Variants in FOXP1 observed in about 807,000 individuals in gnomAD.
The protein encoded by FOXP1 is forkhead box P1, also known as forkhead box protein P1.
Under a neutral mutation model 98.2 loss-of-function variants are expected in FOXP1, and 15 were observed. The ratio of observed to expected loss-of-function variants is 0.15; its 90% CI spans 0.10 to 0.24. FOXP1 has a LOEUF of 0.24. FOXP1 is among the 10% of genes least tolerant of loss of function. FOXP1 has a pLI of 1.00. For synonymous variants in FOXP1, 371 were observed against 314.5 expected, an observed-to-expected ratio of 1.18 and a Z score of -1.90; for missense variants, 633 against 848.5, an observed-to-expected ratio of 0.75 and a Z score of 3.15.
intron 3 of FOXP1, among the ~76,000 whole-genome samples, chr3:71,438,103 T>G (rs2085545144): frequency 6.6e-6 from 1 of 152,202 alleles, no homozygotes; most frequent in Non-Finnish European, 1.5e-5. Flanking sequence ...AATTGAACAA[T>G]TTATTACCTT....
chr3:71,368,557 A>G (rs1158588855), intron 3 of FOXP1, among the ~76,000 whole-genome samples: 1 of 151,620 alleles, frequency 6.6e-6, no homozygotes, highest in African/African-American at 2.4e-5. Context: ...AAAAATAGGA[A>G]GTATGCTTTA....
At chr3:71,153,506 A>G (rs1337099046) in intron 6 of FOXP1, among the ~76,000 whole-genome samples, 1 of 151,078 alleles carries the variant, frequency 6.6e-6, no homozygotes, top group Non-Finnish European at 1.5e-5. Context: ...GCCCCCCGCA[A>G]TCATCTTGAC....
At chr3:71,537,288 G>A (rs571982647) in intron 2 of FOXP1, among the ~76,000 whole-genome samples, 13 of 152,342 alleles carry the variant, frequency 8.5e-5, no homozygotes, top group African/African-American at 1.7e-4. Context: ...AAAGGTGGCC[G>A]AGGCATTGCC....
At chr3:71,469,416 T>C (rs2089105851) in intron 3 of FOXP1, among the ~76,000 whole-genome samples, 1 of 152,234 alleles carries the variant, frequency 6.6e-6, no homozygotes, top group Non-Finnish European at 1.5e-5. Flanking sequence ...GTTTAATCTC[T>C]TTCCCAGAAA....
Position 70,955,582 on chromosome 3 carries a change from T to A in FOXP1, c.*3665A>T, listed in dbSNP as rs943958334. On this transcript the variant is annotated 3_prime_UTR_variant, in exon 21 of 21. Coordinates refer to ENST00000649528, the MANE Select transcript of FOXP1 (RefSeq NM_001349338.3). ...GGCACCTTGTAAAGTTTTTTTTTTT[T>A]TATACAAAAGTTCAATAGTTTTGAC... 9 of 232,796 alleles carry A rather than the reference T, an allele frequency of 3.9e-5. No homozygotes were observed. Among genetic ancestry groups the A allele is most frequent in the African/African-American group, 6.6e-5 (3 of 45,256 alleles). The allele number at this position is 232,796 out of a possible 1,614,324, so 14.4% of individuals were successfully genotyped here.
chr3:71,232,498 A>T (rs2066371748), intron 5 of FOXP1, among the ~76,000 whole-genome samples: 1 of 152,138 alleles, frequency 6.6e-6, no homozygotes, highest in Non-Finnish European at 1.5e-5. Context: ...CACAAAAGCT[A>T]CAGAAATAAA....
chr3:71,009,162 G>C (rs1477161355), intron 12 of FOXP1, among the ~76,000 whole-genome samples: 1 of 79,392 alleles, frequency 1.3e-5, no homozygotes, highest in Non-Finnish European at 2.7e-5. Flanking sequence ...GGGCGGGGGG[G>C]GGGGGGCGCA....
At chr3:71,068,276 C>T (rs1281810952) in intron 7 of FOXP1, among the ~76,000 whole-genome samples, 2 of 152,190 alleles carry the variant, frequency 1.3e-5, no homozygotes, top group African/African-American at 2.4e-5. Flanking sequence ...AAATAACACA[C>T]CTGGGACTAA....
chr3:71,581,490 G>A, intron 2 of FOXP1, 59 bp downstream of exon 2: 1 of 985,480 alleles, frequency 1.0e-6, no homozygotes, highest in Non-Finnish European at 1.2e-6. Context: ...AGAACCCCTA[G>A]TGCCGCCTGG....
intron 5 of FOXP1, among the ~76,000 whole-genome samples, chr3:71,266,544 G>A (rs1458376758): frequency 2.0e-5 from 3 of 152,106 alleles, no homozygotes; most frequent in Non-Finnish European, 2.9e-5. Flanking sequence ...GAGCCACTGC[G>A]CCTGGCCCCC....
intron 5 of FOXP1, among the ~76,000 whole-genome samples, chr3:71,230,403 G>A (rs1452060671): frequency 6.6e-6 from 1 of 152,140 alleles, no homozygotes; most frequent in African/African-American, 2.4e-5. Context: ...TGCCCTCAGA[G>A]GTAGTACTGT....
intron 5 of FOXP1, among the ~76,000 whole-genome samples, chr3:71,199,303 C>A (rs1445223777): frequency 6.6e-6 from 1 of 151,656 alleles, no homozygotes; most frequent in Admixed American, 6.6e-5. Flanking sequence ...CAGGGTTTCA[C>A]CATATTGGCC....
chr3:71,057,469 CAAA>C (rs200696075), intron 7 of FOXP1, among the ~76,000 whole-genome samples: 3 of 86,982 alleles, frequency 3.4e-5, no homozygotes, highest in Non-Finnish European at 2.4e-5. Context: ...AAATATAAGG[CAAA>C]AAAAAAAAAA....
chr3:71,010,866 G>A (rs1239030051), intron 12 of FOXP1, among the ~76,000 whole-genome samples: 1 of 112,884 alleles, frequency 8.9e-6, no homozygotes, highest in African/African-American at 3.5e-5. Context: ...ATTCAAAGAA[G>A]CCAGGTGGTT....
chr3:70,987,169 A>G (rs992659513), intron 14 of FOXP1, among the ~76,000 whole-genome samples: 1 of 152,216 alleles, frequency 6.6e-6, no homozygotes, highest in Non-Finnish European at 1.5e-5. Context: ...GAAGCAAAGC[A>G]CTGTCTCCAT....
chr3:70,981,377 G>A (rs1443357205), intron 14 of FOXP1, among the ~76,000 whole-genome samples: 2 of 152,014 alleles, frequency 1.3e-5, no homozygotes, highest in Admixed American at 6.6e-5. Context: ...AAATGACACC[G>A]TGATTCACAC....
intron 14 of FOXP1, among the ~76,000 whole-genome samples, chr3:70,978,244 G>GGCTGCTACATGGGTGTTT (rs1234904881): frequency 2.0e-5 from 3 of 152,194 alleles, no homozygotes; most frequent in Non-Finnish European, 4.4e-5. Context: ...CTTTTCCAAA[G>GGCTGCTACATGGGTGTTT]GCTGCTACAT....
At chr3:71,229,938 G>A (rs2066148738) in intron 5 of FOXP1, among the ~76,000 whole-genome samples, 1 of 152,058 alleles carries the variant, frequency 6.6e-6, no homozygotes, top group South Asian at 2.1e-4. Context: ...CTAGGACTTA[G>A]GGATAATTGT....
chr3:71,516,559 C>A (rs1450605812), intron 2 of FOXP1, among the ~76,000 whole-genome samples: 1 of 152,134 alleles, frequency 6.6e-6, no homozygotes, highest in African/African-American at 2.4e-5. Context: ...ACTCATTCTG[C>A]TGTAGGCCGG....
Sources: allele counts gnomAD v4.1 joint callset (sites outside exome capture counted in the v4.1 genomes callset), GRCh38; gene constraint gnomAD v4.1.1; transcripts MANE v1.5; gene names NCBI Gene and HGNC (gene_info 2026-07-23, HGNC 2026-07-21).